Variants in EPHB1 observed in about 807,000 individuals in gnomAD.
EPHB1 encodes the protein ephrin type-B receptor 1.
In EPHB1, 30 loss-of-function variants were observed where a neutral mutation model predicts 94.4. That is an observed-to-expected ratio of 0.32 (90% CI 0.24 to 0.43). The LOEUF is 0.43. Ranked by LOEUF, EPHB1 falls within the 20% of genes least tolerant of loss-of-function variation. EPHB1 has a pLI of 1.00. For synonymous variants in EPHB1, 522 were observed against 489.1 expected (o/e 1.07, Z -0.89); for missense variants, 1,055 against 1,308.3 (o/e 0.81, Z 2.99).
At chr3:135,193,414 G>A (rs915263052) in intron 11 of EPHB1, among the ~76,000 whole-genome samples, 13 of 152,208 alleles carry the variant, frequency 8.5e-5, no homozygotes, top group African/African-American at 2.9e-4. Flanking sequence ...TGGGAGACCT[G>A]TAAAAGATCA....
chr3:135,257,667 TTTTG>T (rs1197184879), intron 15 of EPHB1, among the ~76,000 whole-genome samples: 3 of 150,004 alleles, frequency 2.0e-5, no homozygotes, highest in South Asian at 2.2e-4. Flanking sequence ...ACTGCTGTCT[TTTTG>T]TTTGTCTGTG....
At chr3:135,216,309 G>A (rs934609378) in intron 12 of EPHB1, among the ~76,000 whole-genome samples, 5 of 152,098 alleles carry the variant, frequency 3.3e-5, no homozygotes, top group African/African-American at 1.2e-4. Context: ...CCCAGAGTCT[G>A]AACCCCTCCC....
chr3:134,999,673 AAAG>A (rs1475914836), intron 3 of EPHB1, among the ~76,000 whole-genome samples: 1 of 152,156 alleles, frequency 6.6e-6, no homozygotes, highest in Non-Finnish European at 1.5e-5. Flanking sequence ...GAAGAAGGAA[AAAG>A]AAGGATGAGA....
chr3:135,220,750 T>G (rs1382863092), intron 12 of EPHB1, among the ~76,000 whole-genome samples: 1 of 152,104 alleles, frequency 6.6e-6, no homozygotes, highest in African/African-American at 2.4e-5. Flanking sequence ...GGTATTTTAT[T>G]CATTAATTGT....
rs2107728150 is a variant in EPHB1, at chr3:135,241,313, A to G, written c.2496+16A>G. 1.2e-6 allele frequency: 2 copies of G among 1,614,082 alleles called. No individual in the cohort carries two copies. The highest frequency in any genetic ancestry group is 2.7e-5 in the African/African-American group (2 of 75,058). ...CAACCAAGATGTGAGTGTCAGCAGCACTTGGTCACCACAAACCCCCATTGA... is the reference window on the plus strand; with the variant it reads ...CAACCAAGATGTGAGTGTCAGCAGCGCTTGGTCACCACAAACCCCCATTGA... On this transcript the variant is annotated intron_variant, in intron 13 of 15. Transcript: ENST00000398015.
At chr3:135,050,612 G>A (rs2107770974) in intron 3 of EPHB1, among the ~76,000 whole-genome samples, 1 of 152,272 alleles carries the variant, frequency 6.6e-6, no homozygotes, top group Non-Finnish European at 1.5e-5. Context: ...GACTTCCAAT[G>A]TTGGAGGTGG....
intron 2 of EPHB1, among the ~76,000 whole-genome samples, chr3:134,944,955 A>G (rs141048763): frequency 0.011 from 1,684 of 152,310 alleles, 20 homozygotes; most frequent in Non-Finnish European, 0.015. Flanking sequence ...GTTCTTTGAC[A>G]TCCCCCAAAA....
intron 1 of EPHB1, among the ~76,000 whole-genome samples, chr3:134,812,686 G>A (rs970292760): frequency 1.3e-5 from 2 of 152,224 alleles, no homozygotes; most frequent in Non-Finnish European, 2.9e-5. Context: ...CTGCCAGTCT[G>A]TTTTCCAAAG....
chr3:134,867,560 GA>G (rs1180498944), intron 1 of EPHB1, among the ~76,000 whole-genome samples: 2 of 152,286 alleles, frequency 1.3e-5, no homozygotes, highest in East Asian at 3.9e-4. Flanking sequence ...TTGGCCTGGG[GA>G]AGGAAGAAGC....
intron 10 of EPHB1, among the ~76,000 whole-genome samples, chr3:135,180,396 T>C (rs1942121779): frequency 6.6e-6 from 1 of 152,228 alleles, no homozygotes; most frequent in South Asian, 2.1e-4. Flanking sequence ...AAGTTCTCCA[T>C]TTCCTATGTA....
At chr3:134,811,877 G>A (rs968482941) in intron 1 of EPHB1, among the ~76,000 whole-genome samples, 4 of 152,168 alleles carry the variant, frequency 2.6e-5, no homozygotes, top group Admixed American at 1.3e-4. Flanking sequence ...GGTCCAGGAG[G>A]CCCCCTATTG....
rs751961745 is a variant in EPHB1, at chr3:135,138,726, T to TA, written c.1297+5685dup. 5.1e-4 allele frequency among the ~76,000 whole-genome samples: 77 copies of TA among 152,220 alleles called. 2 individuals carry two copies. Among genetic ancestry groups the TA allele is most frequent in the African/African-American group, 1.5e-3 (64 of 41,536 alleles). ...TTCATCGAAGTTAATAAAGAAAAGTTAAAAAAAACTTAAGCAAATAAAATT... is the reference window on the plus strand; with the variant it reads ...TTCATCGAAGTTAATAAAGAAAAGTTAAAAAAAAACTTAAGCAAATAAAATT... On this transcript the variant is annotated intron_variant, in intron 5 of 15. Coordinates refer to ENST00000398015, the MANE Select transcript of EPHB1 (RefSeq NM_004441.5).
intron 3 of EPHB1, among the ~76,000 whole-genome samples, chr3:135,011,275 G>A (rs1395667294): frequency 6.6e-6 from 1 of 152,120 alleles, no homozygotes; most frequent in Non-Finnish European, 1.5e-5. Flanking sequence ...CTTCTTTTAG[G>A]TCATTTGATT....
intron 2 of EPHB1, among the ~76,000 whole-genome samples, chr3:134,946,434 A>G (rs1560309462): frequency 1.3e-5 from 2 of 151,926 alleles, no homozygotes; most frequent in Admixed American, 6.6e-5. Context: ...CACTTTTCCT[A>G]TCATGAGGCC....
chr3:135,183,029 T>TCTTTTCTTTTCTTTTCTTTC (rs1942209999), intron 10 of EPHB1, among the ~76,000 whole-genome samples: 1 of 70,174 alleles, frequency 1.4e-5, no homozygotes, highest in Non-Finnish European at 2.7e-5. Context: ...TCTTTTCTTT[T>TCTTTTCTTTTCTTTTCTTTC]CTTTCTTTCT....
At chr3:135,103,693 G>T (rs1165714354) in intron 3 of EPHB1, among the ~76,000 whole-genome samples, 2 of 152,176 alleles carry the variant, frequency 1.3e-5, no homozygotes, top group Non-Finnish European at 2.9e-5. Context: ...GCCAAGAATT[G>T]AACTCAGGAC....
At chr3:134,915,939 C>A (rs2038560183) in intron 1 of EPHB1, among the ~76,000 whole-genome samples, 1 of 152,140 alleles carries the variant, frequency 6.6e-6, no homozygotes, top group Non-Finnish European at 1.5e-5. Context: ...GCTGGGGCAG[C>A]CTACTTTTAT....
chr3:134,953,604 G>A lies in EPHB1; in HGVS notation c.805+1552G>A, dbSNP rs74710850. Among the ~76,000 whole-genome samples, 293 of 152,338 alleles carry A rather than the reference G, an allele frequency of 1.9e-3. 3 individuals are homozygous for A. The East Asian group carries it at 0.027, about 14-fold the overall frequency. On this transcript the variant is annotated intron_variant, in intron 3 of 15. Coordinates refer to ENST00000398015, the MANE Select transcript of EPHB1 (RefSeq NM_004441.5). ...AAAGGCACAGGTGCAGCAGCTTCCC[G>A]GCATGCTTGCAGCAGCGCATGGTGG...
chr3:135,150,095 T>C (rs527407016), intron 5 of EPHB1, among the ~76,000 whole-genome samples: 2 of 152,226 alleles, frequency 1.3e-5, no homozygotes, highest in Non-Finnish European at 2.9e-5. Flanking sequence ...GAGTTTTTAA[T>C]GATGGCTTTC....
Sources: gnomAD v4.1 joint callset for allele counts (sites outside exome capture counted in the v4.1 genomes callset) on GRCh38, gnomAD v4.1.1 for gene constraint, MANE v1.5 for transcripts, NCBI Gene and HGNC (gene_info 2026-07-23, HGNC 2026-07-21) for gene names.